MUC7: variants seen among roughly 807,000 people sequenced by gnomAD.
MUC7 encodes mucin 7, secreted, also known as mucin-7.
MUC7 carries 2 observed loss-of-function variants against 2.5 expected under a neutral mutation model. That is an observed-to-expected ratio of 0.81 (90% CI 0.33 to 2.55). The LOEUF (loss-of-function observed/expected upper bound fraction) is 2.55, where lower values mean the gene tolerates loss of function less well. Among genes scored for constraint, MUC7 ranks in the 30% most tolerant of loss-of-function variants. The probability of loss-of-function intolerance (pLI) is 0.11; values close to 1 mark genes in which losing one functional copy is unlikely to be tolerated. For missense variants in MUC7, 408 were observed against 455.6 expected (o/e 0.90, Z 0.95); for synonymous variants, 133 against 173.4 (o/e 0.77, Z 1.83).
chr4:70,452,813 C>T (rs769471823), intron 1 of MUC7, among the ~76,000 whole-genome samples: 1 of 152,134 alleles, frequency 6.6e-6, no homozygotes, highest in Non-Finnish European at 1.5e-5. Context: ...TTTCTTATTC[C>T]TCATTAATGT....
At chr4:70,441,321 CAT>C (rs1467998870) in intron 1 of MUC7, among the ~76,000 whole-genome samples, 1 of 152,122 alleles carries the variant, frequency 6.6e-6, no homozygotes, top group African/African-American at 2.4e-5. Flanking sequence ...ATAATATGCA[CAT>C]GAGTACAACC....
chr4:70,463,187 C>G (rs570219365), intron 1 of MUC7, among the ~76,000 whole-genome samples: 3 of 137,574 alleles, frequency 2.2e-5, no homozygotes, highest in Non-Finnish European at 3.3e-5. Context: ...CCAGAAGATA[C>G]ACTTCAAACC....
chr4:70,463,803 T>G (rs1039575629), intron 1 of MUC7, among the ~76,000 whole-genome samples: 4 of 152,168 alleles, frequency 2.6e-5, no homozygotes, highest in Non-Finnish European at 5.9e-5. Context: ...GAAGGTACCA[T>G]TCTATGAATT....
chr4:70,480,733 G>A (rs1448268082), intron 2 of MUC7, 66 bp from the exon 3 acceptor site: 10 of 1,523,648 alleles, frequency 6.6e-6, no homozygotes, highest in Non-Finnish European at 8.9e-6. Flanking sequence ...CTCATGGTCA[G>A]CAGTGATCAC....
intron 1 of MUC7, among the ~76,000 whole-genome samples, chr4:70,437,440 C>G (rs1246459481): frequency 6.6e-6 from 1 of 151,986 alleles, no homozygotes; most frequent in Non-Finnish European, 1.5e-5. Flanking sequence ...AAATGCCCCT[C>G]CCCCCGCCAC....
At chr4:70,480,236 GTT>G (rs1179823269) in intron 2 of MUC7, among the ~76,000 whole-genome samples, 1 of 152,190 alleles carries the variant, frequency 6.6e-6, no homozygotes, top group Non-Finnish European at 1.5e-5. Context: ...GACCAAAGTT[GTT>G]TCTCCAATTT....
intron 1 of MUC7, among the ~76,000 whole-genome samples, chr4:70,447,921 C>T (rs1734184841): frequency 6.6e-6 from 1 of 152,156 alleles, no homozygotes; most frequent in Non-Finnish European, 1.5e-5. Context: ...TAACCATCCA[C>T]ACGTGCCCCC....
upstream of MUC7, among the ~76,000 whole-genome samples, chr4:70,468,312 C>T (rs1473016175): frequency 6.6e-6 from 1 of 152,144 alleles, no homozygotes; most frequent in Non-Finnish European, 1.5e-5. Flanking sequence ...ACTGAATGGG[C>T]AAAAGCTGGA....
intron 1 of MUC7, among the ~76,000 whole-genome samples, chr4:70,463,785 CACA>C (rs1343663000): frequency 2.0e-5 from 3 of 152,298 alleles, no homozygotes; most frequent in Admixed American, 2.0e-4. Flanking sequence ...TATGCAAGGA[CACA>C]ACAAGAAGGT....
chr4:70,449,379 G>A (rs553853861), intron 1 of MUC7, among the ~76,000 whole-genome samples: 4 of 151,786 alleles, frequency 2.6e-5, no homozygotes, highest in Non-Finnish European at 5.9e-5. Flanking sequence ...AACCGAAAGG[G>A]GTTTCCCCTT....
intron 1 of MUC7, among the ~76,000 whole-genome samples, chr4:70,465,002 C>T (rs934028409): frequency 7.9e-5 from 12 of 152,062 alleles, no homozygotes; most frequent in African/African-American, 2.9e-4. Flanking sequence ...AGGAGAGTTC[C>T]GGTTGGCATC....
chr4:70,461,207 T>A (rs1327614909), intron 1 of MUC7, among the ~76,000 whole-genome samples: 3 of 152,240 alleles, frequency 2.0e-5, no homozygotes, highest in Non-Finnish European at 4.4e-5. Context: ...TGAGGTGTGA[T>A]AATCTGTTGG....
chr4:70,474,075 G>C lies in MUC7; in HGVS notation c.54G>C (p.Ser18=). ...VCICALSACF[S]FSEGRERDHE... is the part of the protein sequence containing the mutation. ...TCTGTGCACTGAGTGCTTGCTTCTC[G>C]GTAAGTATTCACCCAAATAAGTTTT... Residue 18 remains serine, a splice_region_variant and synonymous_variant, in exon 2 of 3, where the codon TCG becomes TCC. Coordinates refer to ENST00000304887, the MANE Select transcript of MUC7 (RefSeq NM_152291.3). The C allele has an allele frequency of 1.2e-6, 2 of 1,611,110 alleles. No homozygotes were observed. The highest frequency in any genetic ancestry group is 1.7e-6 in the Non-Finnish European group (2 of 1,178,256).
intron 1 of MUC7, among the ~76,000 whole-genome samples, chr4:70,457,574 T>G (rs998045874): frequency 4.6e-5 from 7 of 152,076 alleles, no homozygotes; most frequent in Non-Finnish European, 1.0e-4. Flanking sequence ...TCAAAAATTG[T>G]TTCCTTGCAA....
chr4:70,480,473 G>C (rs1735132060), intron 2 of MUC7, among the ~76,000 whole-genome samples: 1 of 152,208 alleles, frequency 6.6e-6, no homozygotes, highest in African/African-American at 2.4e-5. Context: ...ACCTCAGGCA[G>C]TAACTTGACC....
chr4:70,468,790 A>G (rs942566945), upstream of MUC7, among the ~76,000 whole-genome samples: 2 of 152,228 alleles, frequency 1.3e-5, no homozygotes, highest in South Asian at 2.1e-4. Flanking sequence ...TTCCATGCTC[A>G]TGGACAGGAA....
chr4:70,474,583 G>A (rs182997025), intron 2 of MUC7, among the ~76,000 whole-genome samples: 133 of 152,226 alleles, frequency 8.7e-4, no homozygotes, highest in African/African-American at 3.2e-3. Context: ...AGGTAGGTAG[G>A]TAGGTAGATA....
In MUC7 at chr4:70,440,475, C is replaced by T. The variant is rs141721840; in HGVS notation, c.-93+9788C>T. On this transcript the variant is annotated intron_variant, in intron 1 of 3. Coordinates refer to the MUC7 transcript ENST00000413702. ...CTCTGCCCAGGACAAAGCAACAGTACGTAAATGATAAATAAGAAAACAAAA... is the reference window on the plus strand; with the variant it reads ...CTCTGCCCAGGACAAAGCAACAGTATGTAAATGATAAATAAGAAAACAAAA... 6.8e-4 allele frequency among the ~76,000 whole-genome samples: 103 copies of T among 151,674 alleles called. 2 individuals carry two copies. The South Asian group carries it at 0.016, about 24-fold the overall frequency.
At chr4:70,461,521 C>T (rs1223025135) in intron 1 of MUC7, among the ~76,000 whole-genome samples, 1 of 152,204 alleles carries the variant, frequency 6.6e-6, no homozygotes, top group African/African-American at 2.4e-5. Context: ...ACTGATCCTT[C>T]TATCTCTTGT....
Sources: gnomAD v4.1 joint callset for allele counts (sites outside exome capture counted in the v4.1 genomes callset) on GRCh38, gnomAD v4.1.1 for gene constraint, MANE v1.5 for transcripts, NCBI Gene and HGNC (gene_info 2026-07-23, HGNC 2026-07-21) for gene names.